Variants in ANO8 observed in about 807,000 individuals in gnomAD.
ANO8 encodes the protein anoctamin-8.
Under a neutral mutation model 120.4 loss-of-function variants are expected in ANO8, and 67 were observed. That is an observed-to-expected ratio of 0.56 (90% CI 0.46 to 0.68). The LOEUF is 0.68. Among genes scored for constraint, ANO8 ranks in the 30% least tolerant of loss-of-function variants. The probability of loss-of-function intolerance (pLI) is 0.00; values close to 1 mark genes in which losing one functional copy is unlikely to be tolerated. For synonymous variants in ANO8, 727 were observed against 759.2 expected (o/e 0.96, Z 0.70); for missense variants, 1,526 against 1,737.6 (o/e 0.88, Z 2.16).
In ANO8 at chr19:17,334,551, C is replaced by G. The variant is rs2074347403; in HGVS notation, c.106+14G>C. The G allele has an allele frequency of 6.5e-7, 1 of 1,543,036 alleles. No homozygotes were observed. The highest frequency in any genetic ancestry group is 1.4e-5 in the African/African-American group (1 of 70,758). ...CACCTGCAACCCTGTCTGGTCCAGC[C>G]GCCGCACACATACCCAGAACTCCGG... On this transcript the variant is annotated intron_variant, in intron 1 of 17. Coordinates refer to ENST00000159087, the MANE Select transcript of ANO8 (RefSeq NM_020959.3).
chr19:17,334,418 G>A (rs2074345381), intron 1 of ANO8, 147 bp downstream of exon 1: 12 of 721,176 alleles, frequency 1.7e-5, no homozygotes, highest in Non-Finnish European at 2.4e-5. Flanking sequence ...CCCGCCCGCC[G>A]GGCCGCAGCC....
chr19:17,324,807 T>C lies in ANO8; in HGVS notation c.3241A>G (p.Ser1081Gly). Reference protein sequence around the residue: ...GQARPDGTPSSGSSRVQRSGP... With the variant: ...GQARPDGTPSGGSSRVQRSGP... ...CTCCTCTGAACCCGGCTGCTGCCACTGCTGGGGGTCCCATCTGGCCGGGCC... is the reference window on the plus strand; with the variant it reads ...CTCCTCTGAACCCGGCTGCTGCCACCGCTGGGGGTCCCATCTGGCCGGGCC... Residue 1081 changes from serine to glycine, a missense_variant, in exon 17 of 18, where the codon AGT (serine) becomes GGT (glycine). By Grantham distance (56) the Ser-to-Gly change is moderately conservative (BLOSUM62 0). This residue lies in a region of ANO8 where 489 missense variants were observed against 548.6 expected (regional missense o/e 0.89). Transcript: ENST00000159087. The C allele has an allele frequency of 6.2e-7, 1 of 1,601,190 alleles. No homozygotes were observed. The highest frequency in any genetic ancestry group is 1.3e-5 in the African/African-American group (1 of 74,542).
At chr19:17,332,069 G>C (rs2074323286) in intron 5 of ANO8, among the ~76,000 whole-genome samples, 1 of 150,300 alleles carries the variant, frequency 6.7e-6, no homozygotes, top group Non-Finnish European at 1.5e-5. Context: ...CGAGTAGCTG[G>C]GACTACAGGC....
intron 5 of ANO8, among the ~76,000 whole-genome samples, chr19:17,331,964 C>T: frequency 1.4e-5 from 1 of 73,628 alleles, no homozygotes; most frequent in Non-Finnish European, 2.6e-5. Flanking sequence ...TAGACGGGGT[C>T]TAGCTGTGTC....
chr19:17,327,900 A>G lies in ANO8; in HGVS notation c.2227-20T>C. 6.2e-7 allele frequency: 1 copy of G among 1,607,326 alleles called. No individual in the cohort carries two copies. Among genetic ancestry groups the G allele is most frequent in the Non-Finnish European group, 8.5e-7 (1 of 1,175,604 alleles). On this transcript the variant is annotated intron_variant, in intron 13 of 17. Transcript: ENST00000159087. ...CGTGTCCTGCGAGTGGGCGGGCCTC[A>G]GACCTGGAAGCCTCTTCCCTGGGAC...
Position 17,332,981 on chromosome 19 carries a change from T to A in ANO8, c.535A>T (p.Lys179Ter). The A allele has an allele frequency of 6.2e-7, 1 of 1,614,190 alleles. No individual in the cohort carries two copies. Among genetic ancestry groups the A allele is most frequent in the Non-Finnish European group, 8.5e-7 (1 of 1,180,044 alleles). ...IRFWLQNLRA[K>*]QGEALHNVRF... ...ACGTTGTGGAGTGCTTCTCCCTGCT[T>A]GGCACGCAAATTCTGCAGCCAGAAG... is the stretch of plus-strand genomic sequence containing the variant. The change falls in exon 5 of 18, where the codon AAG becomes TAG. Residue 179 changes from lysine (K) to a stop codon, truncating the protein, a stop_gained. Transcript: ENST00000159087. LOFTEE classifies it high-confidence loss of function.
intron 16 of ANO8, among the ~76,000 whole-genome samples, chr19:17,326,014 C>T (rs534439926): frequency 5.9e-5 from 9 of 152,304 alleles, no homozygotes; most frequent in African/African-American, 1.2e-4. Context: ...AGAGAGATTC[C>T]GAGGCTTATT....
rs1261446720 is a variant in ANO8, at chr19:17,328,697, C to G, written c.1691G>C (p.Arg564Pro). The G allele has an allele frequency of 8.2e-5, 114 of 1,390,108 alleles. No homozygotes were observed. The highest frequency in any genetic ancestry group is 2.7e-4 in the Middle Eastern group (1 of 3,764). 86.1% of individuals were successfully genotyped at this position (1,390,108 alleles called of 1,614,324 possible). ...CTCCCCGCCTTCCCCCGCCCGCCGC[C>G]GCTCCACCAGCGCCGCCTCCTCCTC... ...EEEEEAALVE[R>P]RRAGEGGEEG... The change falls in exon 13 of 18, where the codon CGG becomes CCG. Residue 564 changes from arginine to proline, a missense_variant. By Grantham distance (103) the Arg-to-Pro change is moderately radical. This residue lies in a region of ANO8 where 467 missense variants were observed against 425.8 expected (regional missense o/e 1.10). Coordinates refer to ENST00000159087, the MANE Select transcript of ANO8 (RefSeq NM_020959.3).
At position 17,328,575 on chromosome 19, in the gene ANO8, C is replaced by T; in HGVS notation, c.1813G>A (p.Gly605Arg). Residue 605 changes from glycine to arginine, a missense_variant, in exon 13 of 18, where the codon GGG becomes AGG. Physicochemically the swap from Gly to Arg is moderately radical, Grantham distance 125. This residue lies in a region of ANO8 where 467 missense variants were observed against 425.8 expected (regional missense o/e 1.10). Transcript: ENST00000159087. ...EEEDEEEGEE[G>R]GLLDCGLRLK... ...CGGAGCCCGCAGTCCAGGAGGCCCC[C>T]TTCCTCGCCCTCCTCCTCGTCCTCC... 6.5e-7 allele frequency: 1 copy of T among 1,547,176 alleles called. No homozygotes were observed. The highest frequency in any genetic ancestry group is 1.2e-5 in the South Asian group (1 of 83,964).
chr19:17,331,372 A>G lies in ANO8; in HGVS notation c.626T>C (p.Phe209Ser), dbSNP rs780130844. Residue 209 changes from phenylalanine to serine, a missense_variant, in exon 6 of 18, where the codon TTC becomes TCC. Physicochemically the swap from Phe to Ser is radical, Grantham distance 155 (BLOSUM62 -2). This residue lies in a region of ANO8 where 322 missense variants were observed against 431.8 expected (regional missense o/e 0.75). Coordinates refer to ENST00000159087, the MANE Select transcript of ANO8 (RefSeq NM_020959.3). ...CAGAATACGCTGCTCGTGGACAGGG[A>G]ACACCTGCTGGATGATCCCACGTGC... Reference protein sequence around the residue: ...LAARGIIQQVFPVHEQRILNR... With the variant: ...LAARGIIQQVSPVHEQRILNR... The G allele has an allele frequency of 6.2e-7, 1 of 1,613,860 alleles. No individual in the cohort carries two copies. The highest frequency in any genetic ancestry group is 8.5e-7 in the Non-Finnish European group (1 of 1,180,018).
chr19:17,333,742 C>T lies in ANO8; in HGVS notation c.165G>A (p.Ala55=). 1 of 1,609,852 alleles carries T rather than the reference C, an allele frequency of 6.2e-7. No homozygotes were observed. Among genetic ancestry groups the T allele is most frequent in the South Asian group, 1.1e-5 (1 of 90,438 alleles). The stretch of plus-strand genomic sequence containing the variant: ...TCTCTGTAGGCACCGTCTTCATCCA[C>T]GCCTTGTGGGACACCAGGTAGCGAC... The part of the protein sequence containing the change: ...QAGRYLVSHK[A]WMKTVPTENC... Residue 55 remains alanine (A), a synonymous_variant, in exon 2 of 18, where the codon GCG becomes GCA. Coordinates refer to ENST00000159087, the MANE Select transcript of ANO8 (RefSeq NM_020959.3). This position sits in a 1 kb window ranked among gnomAD's most constrained non-coding sequence, Gnocchi z 7.2.
intron 5 of ANO8, among the ~76,000 whole-genome samples, chr19:17,332,177 C>G (rs533138535): frequency 6.6e-6 from 1 of 151,540 alleles, no homozygotes; most frequent in African/African-American, 2.4e-5. Context: ...CCTCGTGATA[C>G]GCCCGCCTCA....
chr19:17,324,578 G>A (rs1347792605), intron 17 of ANO8, 139 bp downstream of exon 17: 64 of 1,398,846 alleles, frequency 4.6e-5, no homozygotes, highest in Middle Eastern at 2.4e-4. Flanking sequence ...GAGGCTCCAC[G>A]TACCACTGAC....
intron 16 of ANO8, among the ~76,000 whole-genome samples, chr19:17,326,141 G>T (rs2074272619): frequency 6.6e-6 from 1 of 152,180 alleles, no homozygotes; most frequent in African/African-American, 2.4e-5. Flanking sequence ...AGCGTCTTAG[G>T]AATTGGTAAA....
chr19:17,327,865 A>G lies in ANO8; in HGVS notation c.2242T>C (p.Tyr748His), dbSNP rs2074283658. 6.2e-7 allele frequency: 1 copy of G among 1,613,668 alleles called. No individual in the cohort carries two copies. Among genetic ancestry groups the G allele is most frequent in the Non-Finnish European group, 8.5e-7 (1 of 1,179,758 alleles). The change falls in exon 14 of 18, where the codon TAC becomes CAC. Residue 748 changes from tyrosine (Y) to histidine (H), a missense_variant. Physicochemically the swap from Tyr to His is moderately conservative, Grantham distance 83. Around this residue, in one of 8 missense-constraint regions of ANO8, gnomAD observed 467 missense variants for 425.8 expected, o/e 1.10. Transcript: ENST00000159087. ...MKKYEDTFQD[Y>H]QEMFVQFGYV... Reference sequence around the variant, plus strand: ...CCGAACTGCACGAACATCTCCTGGTAGTCCTGGAACGTGTCCTGCGAGTGG... The same window carrying G: ...CCGAACTGCACGAACATCTCCTGGTGGTCCTGGAACGTGTCCTGCGAGTGG...
chr19:17,326,444 C>T (rs1182139552), intron 16 of ANO8, among the ~76,000 whole-genome samples: 4 of 151,714 alleles, frequency 2.6e-5, no homozygotes, highest in Non-Finnish European at 4.4e-5. Context: ...TGCGGTGAGC[C>T]GAGATTGTGC....
chr19:17,324,440 C>T (rs954252482), intron 17 of ANO8, among the ~76,000 whole-genome samples: 2 of 151,994 alleles, frequency 1.3e-5, no homozygotes, highest in South Asian at 2.1e-4. Flanking sequence ...CTCCTGGCAC[C>T]GGAGCATGGT....
Position 17,328,690 on chromosome 19 carries a change from CCGCCGCCGCTCCACCAG to C in ANO8, c.1681_1697del (p.Leu561GlyfsTer55), listed in dbSNP as rs781272964. 1 of 1,397,772 alleles carries C rather than the reference CCGCCGCCGCTCCACCAG, an allele frequency of 7.2e-7. No homozygotes were observed. Among genetic ancestry groups the C allele is most frequent in the Non-Finnish European group, 9.4e-7 (1 of 1,066,740 alleles). The allele number at this position is 1,397,772 out of a possible 1,614,324, so 86.6% of individuals were successfully genotyped here. ...CCCCCTCCTCCCCGCCTTCCCCCGC[CCGCCGCCGCTCCACCAG>C]CGCCGCCTCCTCCTCCTCCTCCGGC... On this transcript the variant is annotated frameshift_variant, in exon 13 of 18. Transcript: ENST00000159087. LOFTEE classifies it high-confidence loss of function.
At chr19:17,330,550 A>C (rs778528296) in intron 8 of ANO8, 46 bp from the exon 9 acceptor site, 11 of 1,468,254 alleles carry the variant, frequency 7.5e-6, no homozygotes, top group Non-Finnish European at 9.9e-6. Context: ...CAGAGGGGCC[A>C]CCTCTGCCTT....
Sources: gnomAD v4.1 joint callset for allele counts (sites outside exome capture counted in the v4.1 genomes callset) on GRCh38, gnomAD v4.1.1 for gene constraint, gnomAD v4.1.1 regional missense constraint, Gnocchi (gnomAD v3.1) non-coding constraint, MANE v1.5 for transcripts, NCBI Gene and HGNC (gene_info 2026-07-23, HGNC 2026-07-21) for gene names.